Variants in JMJD1C observed in about 807,000 individuals in gnomAD.
The protein encoded by JMJD1C is jumonji domain-containing protein 1C.
Under a neutral mutation model 245.3 loss-of-function variants are expected in JMJD1C, and 31 were observed. The observed-to-expected ratio is 0.13, with a 90% CI of 0.09 to 0.17. The LOEUF (loss-of-function observed/expected upper bound fraction) is 0.17. JMJD1C is among the 10% of genes least tolerant of loss of function. The pLI is 1.00. For missense variants in JMJD1C, 2,691 were observed against 3,000.2 expected (o/e 0.90, Z 2.41); for synonymous variants, 1,057 against 1,017.4 (o/e 1.04, Z -0.74).
intron 1 of JMJD1C, among the ~76,000 whole-genome samples, chr10:63,517,061 C>T (rs992216164): frequency 6.6e-6 from 1 of 152,190 alleles, no homozygotes; most frequent in African/African-American, 2.4e-5. Flanking sequence ...AAGACAGACT[C>T]ATTTAGTAAT....
At chr10:63,478,346 C>A (rs113748856) in intron 1 of JMJD1C, among the ~76,000 whole-genome samples, 3 of 152,160 alleles carry the variant, frequency 2.0e-5, no homozygotes, top group Non-Finnish European at 4.4e-5. Flanking sequence ...TGTACATAGC[C>A]GCTTTATTTG....
intron 17 of JMJD1C, among the ~76,000 whole-genome samples, 199 bp from the exon 18 acceptor site, chr10:63,189,645 T>C (rs1208915291): frequency 6.6e-6 from 1 of 152,138 alleles, no homozygotes; most frequent in Non-Finnish European, 1.5e-5. Flanking sequence ...CTGAAAAACT[T>C]AGAAGTACAG....
At chr10:63,484,364 C>G (rs1011622641) in intron 1 of JMJD1C, among the ~76,000 whole-genome samples, 5 of 152,118 alleles carry the variant, frequency 3.3e-5, no homozygotes, top group African/African-American at 1.2e-4. Context: ...TCATAATGGA[C>G]TTCGTATTTT....
intron 1 of JMJD1C, among the ~76,000 whole-genome samples, chr10:63,462,562 T>C (rs1243296309): frequency 6.6e-6 from 1 of 152,176 alleles, no homozygotes; most frequent in African/African-American, 2.4e-5. Context: ...TATCCTGGAT[T>C]ATGTCAATTG....
intron 2 of JMJD1C, among the ~76,000 whole-genome samples, chr10:63,276,658 A>T (rs1474810993): frequency 6.6e-6 from 1 of 152,036 alleles, no homozygotes; most frequent in Non-Finnish European, 1.5e-5. Flanking sequence ...TAGTAGGGAC[A>T]GGGATTCGCC....
At chr10:63,389,309 C>G (rs111572785) in intron 1 of JMJD1C, among the ~76,000 whole-genome samples, 1 of 92,668 alleles carries the variant, frequency 1.1e-5, no homozygotes, top group Non-Finnish European at 2.1e-5. Flanking sequence ...GAGACCCTGT[C>G]TCAAAAAAAA....
intron 24 of JMJD1C, among the ~76,000 whole-genome samples, chr10:63,173,308 T>TA (rs1842559002): frequency 1.3e-5 from 2 of 152,090 alleles, no homozygotes; most frequent in Admixed American, 1.3e-4. Flanking sequence ...CCTCAAACTA[T>TA]AATGGTTCTA....
At chr10:63,312,768 G>A (rs957750748) in intron 2 of JMJD1C, among the ~76,000 whole-genome samples, 6 of 151,950 alleles carry the variant, frequency 3.9e-5, no homozygotes, top group African/African-American at 1.2e-4. Flanking sequence ...AAAATTTTTT[G>A]CTAAATGTAT....
At chr10:63,237,230 G>GT (rs1172148961) in intron 3 of JMJD1C, among the ~76,000 whole-genome samples, 1 of 152,072 alleles carries the variant, frequency 6.6e-6, no homozygotes, top group African/African-American at 2.4e-5. Context: ...TAGAGACAGG[G>GT]TTTCACCATG....
At chr10:63,230,150 A>G (rs1309736262) in intron 3 of JMJD1C, among the ~76,000 whole-genome samples, 2 of 152,234 alleles carry the variant, frequency 1.3e-5, no homozygotes, top group African/African-American at 2.4e-5. Flanking sequence ...AGGTGGGCAG[A>G]TCACCTGAGA....
At chr10:63,389,243 C>T (rs1047476214) in intron 1 of JMJD1C, among the ~76,000 whole-genome samples, 4 of 141,500 alleles carry the variant, frequency 2.8e-5, no homozygotes, top group Non-Finnish European at 1.5e-5. Flanking sequence ...ACCTGGAAGG[C>T]AGAGGTTACA....
intron 4 of JMJD1C, among the ~76,000 whole-genome samples, chr10:63,219,411 C>T (rs1246718699): frequency 6.6e-6 from 1 of 152,058 alleles, no homozygotes; most frequent in Non-Finnish European, 1.5e-5. Flanking sequence ...TCGTCAAACC[C>T]CACTGGTTTG....
chr10:63,465,337 A>T, intron 1 of JMJD1C, 158 bp downstream of exon 1: 3 of 734,850 alleles, frequency 4.1e-6, no homozygotes, highest in Non-Finnish European at 6.5e-6. Context: ...GCAGGGACCC[A>T]GGCAAGGGAT....
intron 1 of JMJD1C, among the ~76,000 whole-genome samples, chr10:63,505,802 T>C (rs897574159): frequency 6.7e-6 from 1 of 148,430 alleles, no homozygotes; most frequent in Non-Finnish European, 1.5e-5. Flanking sequence ...ACATACTAGA[T>C]AGCCCTCCTC....
intron 2 of JMJD1C, among the ~76,000 whole-genome samples, chr10:63,368,473 G>C (rs1346625528): frequency 6.6e-6 from 1 of 152,162 alleles, no homozygotes; most frequent in Non-Finnish European, 1.5e-5. Context: ...TTGGAACTCA[G>C]AAATAACTGA....
intron 1 of JMJD1C, among the ~76,000 whole-genome samples, chr10:63,488,307 G>A (rs1954062574): frequency 6.6e-6 from 1 of 152,168 alleles, no homozygotes; most frequent in African/African-American, 2.4e-5. Context: ...TTAACCATGT[G>A]GAGCCTCCCT....
chr10:63,468,893 C>T (rs1296508643), upstream of JMJD1C, among the ~76,000 whole-genome samples: 1 of 152,142 alleles, frequency 6.6e-6, no homozygotes, highest in Non-Finnish European at 1.5e-5. Context: ...ACTGGAGGAT[C>T]TCTTGAGCCC....
intron 10 of JMJD1C, among the ~76,000 whole-genome samples, chr10:63,205,801 C>G (rs1402310419): frequency 1.3e-5 from 2 of 152,008 alleles, no homozygotes; most frequent in Non-Finnish European, 2.9e-5. Flanking sequence ...TATATGAGAC[C>G]ACTGTCATAT....
intron 1 of JMJD1C, among the ~76,000 whole-genome samples, chr10:63,481,796 G>A (rs942638723): frequency 6.6e-6 from 1 of 152,186 alleles, no homozygotes; most frequent in African/African-American, 2.4e-5. Flanking sequence ...AAGACACACA[G>A]GGAGGAAGAG....
Sources: gnomAD v4.1 joint callset for allele counts (sites outside exome capture counted in the v4.1 genomes callset) on GRCh38, gnomAD v4.1.1 for gene constraint, MANE v1.5 for transcripts, NCBI Gene and HGNC (gene_info 2026-07-23, HGNC 2026-07-21) for gene names.